TNKS: variants seen among roughly 807,000 people sequenced by gnomAD.
TNKS encodes tankyrase.
A neutral mutation model predicts 135.8 loss-of-function variants in TNKS; 72 were observed. The observed-to-expected ratio is 0.53, with a 90% CI of 0.44 to 0.64. The LOEUF (loss-of-function observed/expected upper bound fraction) is 0.64. Among genes scored for constraint, TNKS ranks in the 30% least tolerant of loss-of-function variants. The pLI is 0.00. For missense variants in TNKS, 1,769 were observed against 1,674.0 expected (o/e 1.06, Z -0.99); for synonymous variants, 849 against 649.3 (o/e 1.31, Z -4.68).
At chr8:9,596,285 A>G (rs1798783723) in intron 2 of TNKS, among the ~76,000 whole-genome samples, 1 of 152,170 alleles carries the variant, frequency 6.6e-6, no homozygotes, top group Non-Finnish European at 1.5e-5. Flanking sequence ...CTCATATATT[A>G]TTAGAAGTAT....
chr8:9,651,941 G>A (rs1231542633), intron 3 of TNKS, among the ~76,000 whole-genome samples: 1 of 152,094 alleles, frequency 6.6e-6, no homozygotes, highest in African/African-American at 2.4e-5. Context: ...TTACACTGCA[G>A]GGTTGGTACA....
At chr8:9,676,607 AAG>A (rs1454454780) in intron 3 of TNKS, among the ~76,000 whole-genome samples, 1 of 152,002 alleles carries the variant, frequency 6.6e-6, no homozygotes, top group African/African-American at 2.4e-5. Flanking sequence ...GAAAAATAAA[AAG>A]AGCTTTATTT....
rs1380278827 is a variant in TNKS at position 9,765,712 on chromosome 8, G to C, written c.3468G>C (p.Lys1156Asn). ...TAAAGATTCAAAAAGTTGTCAACAA[G>C]AAGTTGAGGGAGCGGTTCTGCCACC... ...NVIRIQKVVN[K>N]KLRERFCHRQ... The change falls in exon 24 of 27, where the codon AAG becomes AAC. Residue 1156 changes from lysine to asparagine, a missense_variant. By Grantham distance (94) the Lys-to-Asn change is moderately conservative. Coordinates refer to ENST00000310430, the MANE Select transcript of TNKS (RefSeq NM_003747.3). The C allele has an allele frequency of 1.2e-6, 2 of 1,613,824 alleles. No individual in the cohort carries two copies. Among genetic ancestry groups the C allele is most frequent in the East Asian group, 4.5e-5 (2 of 44,870 alleles).
chr8:9,703,800 C>T (rs893260097), intron 5 of TNKS, among the ~76,000 whole-genome samples: 2 of 151,982 alleles, frequency 1.3e-5, no homozygotes, highest in African/African-American at 4.8e-5. Flanking sequence ...TATGAAAAAC[C>T]CGTTATGGTA....
intron 17 of TNKS, among the ~76,000 whole-genome samples, chr8:9,745,448 A>T (rs1423639756): frequency 6.6e-6 from 1 of 152,072 alleles, no homozygotes; most frequent in African/African-American, 2.4e-5. Context: ...CTCTTCACCC[A>T]GGCTGGAAAG....
At chr8:9,698,402 A>G (rs1264392478) in intron 5 of TNKS, among the ~76,000 whole-genome samples, 1 of 137,812 alleles carries the variant, frequency 7.3e-6, no homozygotes, top group Non-Finnish European at 1.6e-5. Context: ...GCTTAAGTAT[A>G]TAAGCAACTT....
chr8:9,709,878 G>T, intron 9 of TNKS, 77 bp from the exon 10 acceptor site: 1 of 1,065,426 alleles, frequency 9.4e-7, no homozygotes, highest in Non-Finnish European at 1.4e-6. Context: ...TAAATGGTCA[G>T]CAGATACTGT....
chr8:9,570,153 A>G lies in TNKS; in HGVS notation c.674-10006A>G, dbSNP rs184514544. ...TTTTTTGAACCATTTATTGAATAAT[A>G]AATATAGGCCAGGTGTGATGGTTCA... On this transcript the variant is annotated intron_variant, in intron 1 of 26. Coordinates refer to ENST00000310430, the MANE Select transcript of TNKS (RefSeq NM_003747.3). Among the ~76,000 whole-genome samples the G allele has an allele frequency of 1.3e-3, 193 of 152,328 alleles. 3 individuals carry two copies. The highest frequency in any genetic ancestry group is 4.3e-3 in the African/African-American group (179 of 41,568).
rs919603958 is a variant in TNKS at position 9,706,175 on chromosome 8, C to T, written c.1203-12C>T. 3 of 1,556,124 alleles carry T rather than the reference C, an allele frequency of 1.9e-6. No individual in the cohort carries two copies. Among genetic ancestry groups the T allele is most frequent in the African/African-American group, 2.8e-5 (2 of 71,434 alleles). On this transcript the variant is annotated splice_polypyrimidine_tract_variant and intron_variant, in intron 6 of 26. Transcript: ENST00000310430. Reference sequence around the variant, plus strand: ...GAAATTTAAGTATTTTAATTTGCCTCTTTTCATTTAGTGGACTTGTGCCTC... The same window carrying T: ...GAAATTTAAGTATTTTAATTTGCCTTTTTTCATTTAGTGGACTTGTGCCTC...
intron 1 of TNKS, among the ~76,000 whole-genome samples, chr8:9,572,595 T>C (rs1186469732): frequency 6.6e-6 from 1 of 152,188 alleles, no homozygotes; most frequent in Non-Finnish European, 1.5e-5. Flanking sequence ...CCATGAAATA[T>C]AGTAAAACAG....
intron 3 of TNKS, among the ~76,000 whole-genome samples, chr8:9,642,561 A>G (rs1413805862): frequency 1.4e-5 from 2 of 146,492 alleles, no homozygotes; most frequent in South Asian, 2.2e-4. Flanking sequence ...ATTTAGTTAC[A>G]TAATTTGTTA....
chr8:9,593,760 A>G (rs1798672078), intron 2 of TNKS, among the ~76,000 whole-genome samples: 1 of 152,132 alleles, frequency 6.6e-6, no homozygotes, highest in Non-Finnish European at 1.5e-5. Flanking sequence ...TTGTCCTTTG[A>G]TGAAGTTAAC....
At chr8:9,557,270 A>G (rs1815360137) in intron 1 of TNKS, 1 of 152,202 alleles carries the variant, frequency 6.6e-6, no homozygotes, top group Non-Finnish European at 1.5e-5. Context: ...ACCTCGTGTC[A>G]GTTGCCTCAG....
chr8:9,603,078 A>G (rs1361466329), intron 2 of TNKS, among the ~76,000 whole-genome samples: 1 of 151,580 alleles, frequency 6.6e-6, no homozygotes, highest in African/African-American at 2.4e-5. Flanking sequence ...TTTGAGATGG[A>G]GTCTCGCTTT....
Position 9,591,530 on chromosome 8 carries a change from A to T in TNKS, c.898+11147A>T, listed in dbSNP as rs947978218. On this transcript the variant is annotated intron_variant, in intron 2 of 26. Coordinates refer to ENST00000310430, the MANE Select transcript of TNKS (RefSeq NM_003747.3). Reference sequence around the variant, plus strand: ...CCTAATGGCTGAGCATGTTGAGAATATTTTTATGTACAGTGGTCATTCATG... The same window carrying T: ...CCTAATGGCTGAGCATGTTGAGAATTTTTTTATGTACAGTGGTCATTCATG... Among the ~76,000 whole-genome samples the T allele has an allele frequency of 2.0e-5, 3 of 152,146 alleles. No homozygotes were observed. In the East Asian group the frequency reaches 5.8e-4, roughly 29 times the overall value.
chr8:9,579,054 T>G (rs1798064470), intron 1 of TNKS, among the ~76,000 whole-genome samples: 1 of 152,226 alleles, frequency 6.6e-6, no homozygotes, highest in African/African-American at 2.4e-5. Context: ...TGTTGTGCTT[T>G]CTTAGTATTT....
chr8:9,710,326 A>T (rs768893464), intron 11 of TNKS, 106 bp downstream of exon 11: 2 of 1,008,006 alleles, frequency 2.0e-6, no homozygotes, highest in Non-Finnish European at 3.1e-6. Context: ...AATTTTATAA[A>T]GGACTATTAG....
intron 2 of TNKS, among the ~76,000 whole-genome samples, chr8:9,587,731 AC>A (rs1467210044): frequency 6.6e-6 from 1 of 152,170 alleles, no homozygotes; most frequent in African/African-American, 2.4e-5. Context: ...AATGAGACTT[AC>A]GTCAGATTTA....
intron 17 of TNKS, among the ~76,000 whole-genome samples, chr8:9,736,483 A>G (rs1014446576): frequency 6.6e-5 from 10 of 152,002 alleles, no homozygotes; most frequent in Admixed American, 2.6e-4. Flanking sequence ...GCCCACGCCT[A>G]TGTCCTGAAT....
Sources: gnomAD v4.1 joint callset for allele counts (sites outside exome capture counted in the v4.1 genomes callset) on GRCh38, gnomAD v4.1.1 for gene constraint, MANE v1.5 for transcripts, NCBI Gene and HGNC (gene_info 2026-07-23, HGNC 2026-07-21) for gene names.